Variants in PPP2R1B observed in about 807,000 individuals in gnomAD.
The protein encoded by PPP2R1B is protein phosphatase 2 scaffold subunit Abeta.
PPP2R1B carries 58 observed loss-of-function variants against 72.7 expected under a neutral mutation model. That is an observed-to-expected ratio of 0.80 (90% confidence interval 0.65 to 0.99). The LOEUF (loss-of-function observed/expected upper bound fraction) is 0.99, where lower values mean the gene tolerates loss of function less well. PPP2R1B is among the 50% of genes least tolerant of loss of function. The probability of loss-of-function intolerance (pLI) is 0.00; values close to 1 mark genes in which losing one functional copy is unlikely to be tolerated. For missense variants in PPP2R1B, 695 were observed against 733.6 expected (o/e 0.95, Z 0.61); for synonymous variants, 256 against 264.6 (o/e 0.97, Z 0.32).
chr11:111,719,378 C>A, the PPP2R1B span, among the ~76,000 whole-genome samples: 27 of 89,912 alleles, frequency 3.0e-4, no homozygotes, highest in Middle Eastern at 8.8e-3. Flanking sequence ...TTTTTTTTAG[C>A]AATGAGCCAA....
chr11:111,721,998 G>A (rs1943816949), downstream of PPP2R1B: 11 of 1,368,566 alleles, frequency 8.0e-6, no homozygotes, highest in Admixed American at 2.4e-5. Context: ...CTGTTCTTCT[G>A]CAAAGCAGAA....
In PPP2R1B at chr11:111,747,924, G is replaced by C. The variant is rs188580975; in HGVS notation, c.1399+30C>G. Reference sequence around the variant, plus strand: ...ATGTATGAAAATCATGGATATATGGGCTTTCAATAATCTGTTTTTATCTAC... The same window carrying C: ...ATGTATGAAAATCATGGATATATGGCCTTTCAATAATCTGTTTTTATCTAC... On this transcript the variant is annotated intron_variant, in intron 11 of 14. Transcript: ENST00000527614. 8.4e-5 allele frequency: 132 copies of C among 1,569,180 alleles called. 1 individual carries two copies. The East Asian group carries it at 2.5e-3, about 30-fold the overall frequency.
the PPP2R1B span, among the ~76,000 whole-genome samples, chr11:111,702,728 T>C: frequency 6.6e-6 from 1 of 152,212 alleles, no homozygotes; most frequent in Non-Finnish European, 1.5e-5. Flanking sequence ...TTTCTTGGTG[T>C]AGTCAGAAGT....
At chr11:111,744,072 A>G (rs1193311695) in intron 11 of PPP2R1B, among the ~76,000 whole-genome samples, 1 of 152,226 alleles carries the variant, frequency 6.6e-6, no homozygotes, top group Admixed American at 6.5e-5. Flanking sequence ...GGGTAAAGAC[A>G]TGTATCCAGG....
At chr11:111,713,470 A>G in the PPP2R1B span, among the ~76,000 whole-genome samples, 1 of 152,296 alleles carries the variant, frequency 6.6e-6, no homozygotes, top group South Asian at 2.1e-4. Context: ...TTATGAGACT[A>G]TTATGAGGAT....
At chr11:111,703,258 C>T in the PPP2R1B span, 6 of 1,614,172 alleles carry the variant, frequency 3.7e-6, no homozygotes, top group Non-Finnish European at 5.1e-6. Flanking sequence ...AACGGCTAAC[C>T]ATAGCCCAAA....
chr11:111,754,917 GACTA>G, intron 7 of PPP2R1B, 59 bp downstream of exon 7: 1 of 1,420,450 alleles, frequency 7.0e-7, no homozygotes, highest in South Asian at 1.3e-5. Flanking sequence ...ATGCAAAATT[GACTA>G]ACAAAAAAAT....
intron 11 of PPP2R1B, among the ~76,000 whole-genome samples, chr11:111,746,728 AT>A (rs560513218): frequency 7.9e-5 from 12 of 152,050 alleles, no homozygotes; most frequent in African/African-American, 1.2e-4. Flanking sequence ...TAACATAAAC[AT>A]TTTTTTTAAA....
At chr11:111,733,472 A>G (rs1213623585), downstream of PPP2R1B, among the ~76,000 whole-genome samples, 2 of 152,168 alleles carry the variant, frequency 1.3e-5, no homozygotes, top group Non-Finnish European at 2.9e-5. Flanking sequence ...TCTCAAAGGG[A>G]GAACTGAGTC....
the PPP2R1B span, chr11:111,712,359 G>T: frequency 6.2e-7 from 1 of 1,614,110 alleles, no homozygotes; most frequent in Non-Finnish European, 8.5e-7. Context: ...GAAGAAGAGT[G>T]TGTGGACACT....
chr11:111,738,042 A>G lies in PPP2R1B; in HGVS notation c.*3554T>C. 9.9e-7 allele frequency: 1 copy of G among 1,009,884 alleles called. No homozygotes were observed. The highest frequency in any genetic ancestry group is 1.2e-6 in the Non-Finnish European group (1 of 843,278). The allele number at this position is 1,009,884 out of a possible 1,614,324, so 62.6% of individuals were successfully genotyped here. ...GCAGGCTCGTGGAGGCAAACGGGGG[A>G]CAGTGAGACTATTCTAGGTACAGAG... On this transcript the variant is annotated 3_prime_UTR_variant, in exon 15 of 15. Coordinates refer to ENST00000527614, the MANE Select transcript of PPP2R1B (RefSeq NM_002716.5).
intron 10 of PPP2R1B, among the ~76,000 whole-genome samples, chr11:111,749,236 A>T (rs1555047200): frequency 6.6e-6 from 1 of 152,142 alleles, no homozygotes; most frequent in East Asian, 1.9e-4. Context: ...TTTCAGGTTG[A>T]GAATTTTCCT....
Position 111,748,005 on chromosome 11 carries a change from A to T in PPP2R1B, c.1348T>A (p.Phe450Ile). 1 of 1,613,032 alleles carries T rather than the reference A, an allele frequency of 6.2e-7. No homozygotes were observed. The highest frequency in any genetic ancestry group is 1.3e-5 in the African/African-American group (1 of 75,056). ...AAAGAATTCAGCTTTTCATCAAAGA[A>T]TTCCACACCCTACAGATACAGAAGA... is the stretch of plus-strand genomic sequence containing the variant. Reference protein sequence around the residue: ...PLLAGQLGVEFFDEKLNSLCM... With the variant: ...PLLAGQLGVEIFDEKLNSLCM... Residue 450 changes from phenylalanine (F) to isoleucine (I), a missense_variant, in exon 11 of 15, where the codon TTC becomes ATC. Physicochemically the swap from Phe to Ile is conservative, Grantham distance 21. Coordinates refer to ENST00000527614, the MANE Select transcript of PPP2R1B (RefSeq NM_002716.5).
intron 15 of PPP2R1B, chr11:111,727,584 A>G (rs61899391): frequency 0.02 from 3,124 of 157,328 alleles, 45 homozygotes; most frequent in Middle Eastern, 0.07. Flanking sequence ...CTCGTGGACC[A>G]AAGTCTCCAG....
the PPP2R1B span, chr11:111,721,847 G>A: frequency 1.2e-6 from 2 of 1,608,550 alleles, no homozygotes; most frequent in South Asian, 2.2e-5. Context: ...TTTCTCAGCA[G>A]CAGGAAAGCG....
downstream of PPP2R1B, among the ~76,000 whole-genome samples, chr11:111,733,708 T>C (rs1273982712): frequency 6.6e-6 from 1 of 152,198 alleles, no homozygotes; most frequent in East Asian, 1.9e-4. Context: ...GCGCACAGCC[T>C]TGCCTGTCTC....
rs1429106458 is a variant in PPP2R1B, at chr11:111,738,949, AAAC to A, written c.*2644_*2646del. 7 of 985,264 alleles carry A rather than the reference AAAC, an allele frequency of 7.1e-6. No homozygotes were observed. In the African/African-American group the frequency reaches 1.2e-4, roughly 17 times the overall value. 61.0% of individuals were successfully genotyped at this position (985,264 alleles called of 1,614,324 possible). A position where few individuals can be genotyped will look rare whatever the true frequency, so the allele number is the denominator to read the frequency against. On this transcript the variant is annotated 3_prime_UTR_variant, in exon 15 of 15. Coordinates refer to ENST00000527614, the MANE Select transcript of PPP2R1B (RefSeq NM_002716.5). ...GTCTGCTTCATTTTTCTAATCAAAC[AAAC>A]AACTGATGTAAGCTGCCAAGGATGA...
chr11:111,752,881 T>A (rs797030634), intron 9 of PPP2R1B, among the ~76,000 whole-genome samples: 124 of 152,160 alleles, frequency 8.1e-4, no homozygotes, highest in African/African-American at 2.8e-3. Flanking sequence ...GAGAATGGCA[T>A]CAACTCAGGA....
At chr11:111,743,644 G>C in intron 11 of PPP2R1B, 114 bp from the exon 12 acceptor site, 1 of 1,222,770 alleles carries the variant, frequency 8.2e-7, no homozygotes, top group Non-Finnish European at 1.1e-6. Context: ...TCTGCAATCA[G>C]ACTCCACATG....
Sources: allele counts gnomAD v4.1 joint callset (sites outside exome capture counted in the v4.1 genomes callset), GRCh38; gene constraint gnomAD v4.1.1; transcripts MANE v1.5; gene names NCBI Gene and HGNC (gene_info 2026-07-23, HGNC 2026-07-21).